The following SOX5 variants were observed in gnomAD, a reference collection of about 807,000 sequenced individuals.
SOX5 encodes transcription factor SOX-5.
In SOX5, 9 loss-of-function variants were observed where a neutral mutation model predicts 92.0. That is an observed-to-expected ratio of 0.10 (90% CI 0.06 to 0.17). The LOEUF is 0.17. SOX5 is among the 10% of genes least tolerant of loss of function. SOX5 has a pLI of 1.00. For missense variants in SOX5, 642 were observed against 944.5 expected, an observed-to-expected ratio of 0.68 and a Z score of 4.20; for synonymous variants, 344 against 336.3, an observed-to-expected ratio of 1.02 and a Z score of -0.25.
At chr12:24,104,578 T>C (rs1298590684) in intron 4 of SOX5, among the ~76,000 whole-genome samples, 2 of 152,244 alleles carry the variant, frequency 1.3e-5, no homozygotes, top group Non-Finnish European at 2.9e-5. Flanking sequence ...TCATTATTTT[T>C]ATACAGTTTC....
In SOX5 at chr12:24,258,763, A is replaced by G. The variant is rs530173144; in HGVS notation, c.-77+18453T>C. 2.6e-5 allele frequency among the ~76,000 whole-genome samples: 4 copies of G among 152,360 alleles called. No homozygotes were observed. The South Asian group carries it at 8.3e-4, about 32-fold the overall frequency. On this transcript the variant is annotated intron_variant, in intron 3 of 4. Transcript: ENST00000446891. ...TAGGTGAGTGCTTTTTAGCAATAAT[A>G]ACATATATTGAAGTCTAGATATGTA...
At chr12:24,327,533 A>G (rs1950849114) in intron 2 of SOX5, among the ~76,000 whole-genome samples, 2 of 151,208 alleles carry the variant, frequency 1.3e-5, no homozygotes, top group African/African-American at 4.9e-5. Flanking sequence ...GTCCTACCTC[A>G]GCCTCCCAAG....
rs573042072 is a variant in SOX5, at chr12:23,750,636, A to AT, written c.568+5001dup. ...AATCTTTATGCTTCTCAAACAAGCA[A>AT]TTTTTTTAAATGAATGAATGCATTT... On this transcript the variant is annotated intron_variant, in intron 4 of 14. Transcript: ENST00000451604. Among the ~76,000 whole-genome samples the AT allele has an allele frequency of 1.6e-3, 243 of 152,006 alleles. 3 individuals are homozygous for AT. The highest frequency in any genetic ancestry group is 0.013 in the Admixed American group (196 of 15,224).
At chr12:24,058,796 T>TATAA (rs71059969) in intron 4 of SOX5, among the ~76,000 whole-genome samples, 46,572 of 151,118 alleles carry the variant, frequency 0.31, 7,483 homozygotes, top group Middle Eastern at 0.44. Flanking sequence ...TTAGTAAGTA[T>TATAA]ATAAATAAAT....
chr12:23,602,776 C>T (rs73091304), intron 9 of SOX5, among the ~76,000 whole-genome samples: 34,416 of 151,924 alleles, frequency 0.23, 4,918 homozygotes, highest in Non-Finnish European at 0.32. Flanking sequence ...ACAGGTAATA[C>T]ATGAAAACTG....
rs1565585782 is a variant in SOX5 at position 23,534,353 on chromosome 12, G to GCTC, written c.2155_2157dup (p.Glu719dup). On this transcript the variant is annotated inframe_insertion, in exon 15 of 15. Coordinates refer to ENST00000451604, the MANE Select transcript of SOX5 (RefSeq NM_006940.6). ...GCCTGTATCTCTTCTTTGATATGTGGCTCCTCTCCTTTCACACCGTAAGTG... is the reference window on the plus strand; with the variant it reads ...GCCTGTATCTCTTCTTTGATATGTGGCTCCTCCTCTCCTTTCACACCGTAAGTG... The GCTC allele has an allele frequency of 6.2e-7, 1 of 1,613,960 alleles. No homozygotes were observed.
intron 2 of SOX5, among the ~76,000 whole-genome samples, chr12:24,321,363 A>G (rs796111044): frequency 9.2e-5 from 14 of 152,330 alleles, no homozygotes; most frequent in African/African-American, 3.4e-4. Context: ...TACTAATTAT[A>G]TTTGCATCAA....
At chr12:24,299,912 A>G (rs1025713838) in intron 2 of SOX5, among the ~76,000 whole-genome samples, 5 of 152,150 alleles carry the variant, frequency 3.3e-5, no homozygotes, top group African/African-American at 1.2e-4. Context: ...TAATTTGCTA[A>G]GACTAAAGAG....
chr12:23,902,034 T>A lies in SOX5; in HGVS notation c.39-6010A>T, dbSNP rs376101048. On this transcript the variant is annotated intron_variant, in intron 1 of 14. Transcript: ENST00000451604. ...ATTATAGCTCTAGTTAAAAATGTTA[T>A]CTTTATTTAACATGTGTAAGTAAAA... is the stretch of plus-strand genomic sequence containing the variant. Among the ~76,000 whole-genome samples, 11 of 152,328 alleles carry A rather than the reference T, an allele frequency of 7.2e-5. No homozygotes were observed. The East Asian group carries it at 1.5e-3, about 21-fold the overall frequency.
At chr12:24,242,965 G>A (rs943482737) in intron 3 of SOX5, among the ~76,000 whole-genome samples, 3 of 152,012 alleles carry the variant, frequency 2.0e-5, no homozygotes, top group Admixed American at 6.5e-5. Flanking sequence ...ATGTCCATCA[G>A]GGGAATTAAG....
At chr12:23,569,709 G>A (rs1286179992) in intron 10 of SOX5, among the ~76,000 whole-genome samples, 4 of 152,140 alleles carry the variant, frequency 2.6e-5, no homozygotes, top group South Asian at 2.1e-4. Context: ...TTTCTCTTTC[G>A]CTGAAAGGCT....
chr12:24,249,158 T>C (rs1323754782), intron 3 of SOX5, among the ~76,000 whole-genome samples: 7 of 152,206 alleles, frequency 4.6e-5, no homozygotes, highest in Admixed American at 4.6e-4. Flanking sequence ...GTGTAAACGA[T>C]CAGTGTTGAA....
At chr12:23,809,600 T>C in intron 3 of SOX5, among the ~76,000 whole-genome samples, 1 of 140,252 alleles carries the variant, frequency 7.1e-6, no homozygotes, top group Non-Finnish European at 1.5e-5. Context: ...TATTTAGTTT[T>C]TGAAACATAC....
In SOX5 at chr12:24,168,598, T is replaced by C. The variant is rs374327677; in HGVS notation, c.-2+44745A>G. ...AGGAATGGCTTGGAAAAAATCTCACTCTCCCAAAATATCAATAAAATGAGC... is the reference window on the plus strand; with the variant it reads ...AGGAATGGCTTGGAAAAAATCTCACCCTCCCAAAATATCAATAAAATGAGC... On this transcript the variant is annotated intron_variant, in intron 4 of 4. Transcript: ENST00000446891. Among the ~76,000 whole-genome samples the C allele has an allele frequency of 4.1e-4, 62 of 152,126 alleles. No homozygotes were observed. The South Asian group carries it at 0.012, about 31-fold the overall frequency.
intron 4 of SOX5, among the ~76,000 whole-genome samples, chr12:23,993,864 A>AATGTATGT (rs5797056): frequency 2.0e-4 from 30 of 146,620 alleles, no homozygotes; most frequent in South Asian, 8.9e-4. Context: ...CTCCCTATGA[A>AATGTATGT]ATGTATGTAT....
chr12:23,613,540 C>T (rs1305778705), intron 8 of SOX5, among the ~76,000 whole-genome samples: 1 of 152,100 alleles, frequency 6.6e-6, no homozygotes, highest in Admixed American at 6.6e-5. Context: ...AAAGCAGGAT[C>T]TCAAAAAGAT....
chr12:24,176,279 T>G (rs1954801605), intron 4 of SOX5, among the ~76,000 whole-genome samples: 2 of 151,856 alleles, frequency 1.3e-5, no homozygotes, highest in Admixed American at 1.3e-4. Context: ...CAGTGAGCCA[T>G]GATCATACCA....
intron 4 of SOX5, among the ~76,000 whole-genome samples, chr12:24,036,220 AG>A (rs1305442258): frequency 6.6e-6 from 1 of 152,128 alleles, no homozygotes; most frequent in Non-Finnish European, 1.5e-5. Flanking sequence ...ATTTATGAAT[AG>A]GATGCTGACT....
chr12:24,357,815 T>C (rs1469840702), intron 2 of SOX5, among the ~76,000 whole-genome samples: 4 of 139,236 alleles, frequency 2.9e-5, no homozygotes, highest in Admixed American at 1.7e-4. Context: ...CACTCCAGCC[T>C]GGGTGACAGA....
Sources: allele counts gnomAD v4.1 joint callset (sites outside exome capture counted in the v4.1 genomes callset), GRCh38; gene constraint gnomAD v4.1.1; transcripts MANE v1.5; gene names NCBI Gene and HGNC (gene_info 2026-07-23, HGNC 2026-07-21).